The following CSMD2 variants were observed in gnomAD, a reference collection of about 807,000 sequenced individuals.
The protein encoded by CSMD2 is CUB and Sushi multiple domains 2, also known as CUB and sushi domain-containing protein 2.
A neutral mutation model predicts 398.5 loss-of-function variants in CSMD2; 130 were observed. The observed-to-expected ratio is 0.33, with a 90% CI of 0.28 to 0.38. The LOEUF (loss-of-function observed/expected upper bound fraction) is 0.38, where lower values mean the gene tolerates loss of function less well. Among genes scored for constraint, CSMD2 ranks in the 10% least tolerant of loss-of-function variants. CSMD2 has a pLI of 1.00. For synonymous variants in CSMD2, 1,828 were observed against 1,908.5 expected, an observed-to-expected ratio of 0.96 and a Z score of 1.10; for missense variants, 3,829 against 4,764.9, an observed-to-expected ratio of 0.80 and a Z score of 5.78.
At position 33,557,791 on chromosome 1, in the gene CSMD2, G is replaced by C; in HGVS notation, c.8686C>G (p.Pro2896Ala). 1 of 1,536,094 alleles carries C rather than the reference G, an allele frequency of 6.5e-7. No individual in the cohort carries two copies. Among genetic ancestry groups the C allele is most frequent in the Non-Finnish European group, 8.7e-7 (1 of 1,146,896 alleles). Residue 2896 changes from proline to alanine, a missense_variant, in exon 55 of 71, where the codon CCA (proline) becomes GCA (alanine). By Grantham distance (27) the Pro-to-Ala change is conservative (BLOSUM62 -1). This residue lies in a region of CSMD2 where 917 missense variants were observed against 1,199.5 expected (regional missense o/e 0.76). Coordinates refer to ENST00000373381, the MANE Select transcript of CSMD2 (RefSeq NM_001281956.2). Reference protein sequence around the residue: ...CNHGFYLLGTPVLSCQGDGTW... With the variant: ...CNHGFYLLGTAVLSCQGDGTW... ...CCATCTCCCTGGCAGCTGAGCACTGGGGTGCCCAGGAGGTAGAAGCCGTGG... is the reference window on the plus strand; with the variant it reads ...CCATCTCCCTGGCAGCTGAGCACTGCGGTGCCCAGGAGGTAGAAGCCGTGG...
intron 15 of CSMD2, among the ~76,000 whole-genome samples, chr1:33,733,671 C>T (rs1325461816): frequency 5.9e-5 from 9 of 152,116 alleles, no homozygotes; most frequent in East Asian, 1.9e-4. Context: ...GATAGTGAGT[C>T]GCAGGAGATT....
chr1:33,839,927 C>G (rs544835692), intron 6 of CSMD2: 1 of 153,062 alleles, frequency 6.5e-6, no homozygotes, highest in African/African-American at 2.4e-5. Flanking sequence ...GCAAAGCTCC[C>G]CAGAAGCTGG....
At chr1:34,141,159 C>A (rs911831410) in intron 1 of CSMD2, among the ~76,000 whole-genome samples, 2 of 152,108 alleles carry the variant, frequency 1.3e-5, no homozygotes, top group African/African-American at 2.4e-5. Flanking sequence ...CCATACCCCC[C>A]ACCCACCCCC....
At chr1:33,784,559 G>A (rs1251786906) in intron 12 of CSMD2, among the ~76,000 whole-genome samples, 1 of 152,198 alleles carries the variant, frequency 6.6e-6, no homozygotes, top group Non-Finnish European at 1.5e-5. Context: ...TCTGCCTCCT[G>A]CCACTTCTGG....
At chr1:33,808,977 AG>A (rs1656544998) in intron 10 of CSMD2, among the ~76,000 whole-genome samples, 1 of 80,434 alleles carries the variant, frequency 1.2e-5, no homozygotes, top group African/African-American at 9.4e-5. Context: ...AATGGAGTCA[AG>A]AAAAAAAAAA....
rs1042195903 is a variant in CSMD2, at chr1:33,788,819, C to G, written c.1551-107G>C. The stretch of plus-strand genomic sequence containing the variant: ...GGACTATCCAGGATCCAGGCCCGCT[C>G]GGGCAAATTCTGGGCCCCACTGTGT... On this transcript the variant is annotated intron_variant, in intron 11 of 70. Coordinates refer to ENST00000373381, the MANE Select transcript of CSMD2 (RefSeq NM_001281956.2). The G allele has an allele frequency of 7.0e-6, 5 of 710,656 alleles. No individual in the cohort carries two copies. In the South Asian group the frequency reaches 8.5e-5, roughly 12 times the overall value. 44.0% of individuals were successfully genotyped at this position (710,656 alleles called of 1,614,324 possible).
chr1:33,865,399 C>CG (rs1639951917), intron 5 of CSMD2, among the ~76,000 whole-genome samples: 1 of 120,910 alleles, frequency 8.3e-6, no homozygotes, highest in African/African-American at 3.1e-5. Flanking sequence ...CAGATTTTAC[C>CG]AAAAAAAAAA....
chr1:33,602,154 C>A (rs913171194), intron 43 of CSMD2, among the ~76,000 whole-genome samples: 8 of 152,250 alleles, frequency 5.3e-5, no homozygotes, highest in Admixed American at 3.9e-4. Context: ...CTGGGAGCCA[C>A]TGCCCTCCCA....
intron 11 of CSMD2, among the ~76,000 whole-genome samples, chr1:33,790,758 GTATCATC>G (rs1220440159): frequency 6.7e-6 from 1 of 150,286 alleles, no homozygotes; most frequent in Non-Finnish European, 1.5e-5. Flanking sequence ...ATCTATCTGT[GTATCATC>G]TATCATCTAT....
intron 13 of CSMD2, among the ~76,000 whole-genome samples, chr1:33,751,001 C>G (rs148088929): frequency 3.3e-5 from 5 of 151,972 alleles, no homozygotes; most frequent in Admixed American, 3.3e-4. Flanking sequence ...AAAATATGTG[C>G]AAGTTACTAC....
intron 22 of CSMD2, 127 bp from the exon 23 acceptor site, chr1:33,700,800 T>C: frequency 1.2e-6 from 1 of 867,740 alleles, no homozygotes; most frequent in Non-Finnish European, 1.8e-6. Context: ...GCACAGTGAG[T>C]TATCAGATGC....
intron 2 of CSMD2, among the ~76,000 whole-genome samples, chr1:34,039,474 G>T (rs1651576145): frequency 6.6e-6 from 1 of 152,200 alleles, no homozygotes; most frequent in Non-Finnish European, 1.5e-5. Context: ...AGGGTTGTTT[G>T]CTACCACCAT....
intron 2 of CSMD2, among the ~76,000 whole-genome samples, chr1:34,055,230 C>T (rs1653692003): frequency 6.6e-6 from 1 of 152,202 alleles, no homozygotes; most frequent in Non-Finnish European, 1.5e-5. Context: ...TTCCTCTGCT[C>T]TCACTCTACG....
chr1:33,724,776 G>T, intron 17 of CSMD2, 72 bp from the exon 18 acceptor site: 4 of 1,365,504 alleles, frequency 2.9e-6, no homozygotes, highest in African/African-American at 1.4e-5. Flanking sequence ...TGACTCCAAA[G>T]AGTAAGAAGA....
chr1:33,830,281 C>T (rs1315764887), intron 6 of CSMD2, among the ~76,000 whole-genome samples: 1 of 152,174 alleles, frequency 6.6e-6, no homozygotes. Context: ...AGACTGACAC[C>T]TCACACGGCC....
intron 32 of CSMD2, among the ~76,000 whole-genome samples, chr1:33,631,655 C>T (rs1642475183): frequency 6.6e-6 from 1 of 152,034 alleles, no homozygotes; most frequent in African/African-American, 2.4e-5. Flanking sequence ...ACAATGAATA[C>T]TGCCTAAATA....
intron 3 of CSMD2, among the ~76,000 whole-genome samples, chr1:34,031,892 T>C (rs72665802): frequency 6.7e-6 from 1 of 149,316 alleles, no homozygotes; most frequent in African/African-American, 2.5e-5. Flanking sequence ...TAACACAAAA[T>C]AACAGTGCAG....
intron 56 of CSMD2, among the ~76,000 whole-genome samples, chr1:33,546,878 A>G (rs1258773383): frequency 6.6e-6 from 1 of 151,984 alleles, no homozygotes; most frequent in Non-Finnish European, 1.5e-5. Flanking sequence ...TTTATTTATT[A>G]CTTTTTAAAA....
chr1:33,810,750 G>A lies in CSMD2; in HGVS notation c.1439C>T (p.Pro480Leu). 1 of 1,613,030 alleles carries A rather than the reference G, an allele frequency of 6.2e-7. No individual in the cohort carries two copies. Among genetic ancestry groups the A allele is most frequent in the Non-Finnish European group, 8.5e-7 (1 of 1,179,600 alleles). The part of the protein sequence containing the change: ...HCVWIITALN[P>L]SKVIKLAFEE... The stretch of plus-strand genomic sequence containing the variant: ...GCTCCCCAAGAGGCTTACCTTGGAG[G>A]GGTTGAGTGCTGTGATGATCCACAC... The change falls in exon 10 of 71, where the codon CCC (proline) becomes CTC (leucine). Residue 480 changes from proline (P) to leucine (L), a missense_variant. Transcript: ENST00000373381.
Sources: gnomAD v4.1 joint callset for allele counts (sites outside exome capture counted in the v4.1 genomes callset) on GRCh38, gnomAD v4.1.1 for gene constraint, gnomAD v4.1.1 regional missense constraint, MANE v1.5 for transcripts, NCBI Gene and HGNC (gene_info 2026-07-23, HGNC 2026-07-21) for gene names.